The following COG4 variants were observed in gnomAD, a reference collection of about 807,000 sequenced individuals.
The protein encoded by COG4 is conserved oligomeric Golgi complex subunit 4.
A neutral mutation model predicts 95.1 loss-of-function variants in COG4; 65 were observed. That is an observed-to-expected ratio of 0.68 (90% CI 0.56 to 0.84). The LOEUF is 0.84. COG4 is among the 40% of genes least tolerant of loss of function. The pLI, the probability that COG4 is intolerant of heterozygous loss-of-function variation, is 0.00. For synonymous variants in COG4, 421 were observed against 374.8 expected, an observed-to-expected ratio of 1.12 and a Z score of -1.42; for missense variants, 1,045 against 989.1, an observed-to-expected ratio of 1.06 and a Z score of -0.76.
At chr16:70,516,177 A>G (rs2049818898) in intron 3 of COG4, 8 of 382,284 alleles carry the variant, frequency 2.1e-5, no homozygotes, top group South Asian at 1.6e-4. Flanking sequence ...CTTGGCCACT[A>G]CTTTTAATTG....
In COG4 at chr16:70,517,623, TAC is replaced by T. The variant is rs1311924956; in HGVS notation, c.369+1_369+2del. On this transcript the variant is annotated splice_donor_variant, in intron 3 of 18. Coordinates refer to ENST00000323786, the MANE Select transcript of COG4 (RefSeq NM_015386.3). LOFTEE classifies it high-confidence loss of function. ...AAAAAAAAAAAAAAGCTTGATGTAT[TAC>T]CTTGGCCAGGTCAAGCTGACGAACT... The T allele has an allele frequency of 7.1e-7, 1 of 1,415,882 alleles. No homozygotes were observed. Among genetic ancestry groups the T allele is most frequent in the Admixed American group, 1.7e-5 (1 of 59,302 alleles). 87.7% of individuals were successfully genotyped at this position (1,415,882 alleles called of 1,614,324 possible).
At chr16:70,517,807 C>A in intron 2 of COG4, 67 bp from the exon 3 acceptor site, 1 of 951,602 alleles carries the variant, frequency 1.1e-6, no homozygotes, top group Non-Finnish European at 1.7e-6. Flanking sequence ...CTTTTTTTTG[C>A]ATATGGACAC....
intron 8 of COG4, among the ~76,000 whole-genome samples, chr16:70,501,976 T>C (rs1348174917): frequency 1.3e-5 from 2 of 152,036 alleles, no homozygotes; most frequent in African/African-American, 2.4e-5. Context: ...CTGGCCTCTT[T>C]TGTGGTTTGA....
chr16:70,517,905 A>G (rs185984557), intron 2 of COG4, among the ~76,000 whole-genome samples, 165 bp from the exon 3 acceptor site: 34 of 152,138 alleles, frequency 2.2e-4, no homozygotes, highest in Admixed American at 7.2e-4. Context: ...TTTGACTGTA[A>G]ACTCAGACCT....
chr16:70,511,042 G>A (rs1229949358), intron 5 of COG4, among the ~76,000 whole-genome samples: 1 of 152,184 alleles, frequency 6.6e-6, no homozygotes. Flanking sequence ...TGGGATTACA[G>A]GCGTGAGTCA....
intron 1 of COG4, among the ~76,000 whole-genome samples, chr16:70,520,299 CGGGTGTGGTGGCGGGCGCCTGT>C (rs2049908102): frequency 6.9e-6 from 1 of 144,094 alleles, no homozygotes; most frequent in Non-Finnish European, 1.5e-5. Flanking sequence ...AAAAATTAGC[CGGGTGTGGTGGCGGGCGCCTGT>C]AGCCCAAGCT....
intron 12 of COG4, among the ~76,000 whole-genome samples, chr16:70,495,852 AGAGC>A (rs751396650): frequency 2.6e-5 from 4 of 152,256 alleles, no homozygotes; most frequent in Non-Finnish European, 5.9e-5. Context: ...ATGTACTAGC[AGAGC>A]AGTGATGGCA....
Position 70,509,270 on chromosome 16 carries a change from C to T in COG4, c.963G>A (p.Val321=). ...QVECDRQVEK[V]VDKFIKQRDY... ...CCCTTTGCTTGATGAACTTGTCTAC[C>T]ACCTTCTCCACCTGTCTGTCACATT... The change falls in exon 7 of 19, where the codon GTG becomes GTA. Residue 321 remains valine, a synonymous_variant. Transcript: ENST00000323786. 1 of 1,614,146 alleles carries T rather than the reference C, an allele frequency of 6.2e-7. No homozygotes were observed. The highest frequency in any genetic ancestry group is 8.5e-7 in the Non-Finnish European group (1 of 1,180,044).
chr16:70,481,859 G>GAT lies in COG4; in HGVS notation c.2010_2011insAT (p.Leu671IlefsTer10), dbSNP rs2049002597. On this transcript the variant is annotated frameshift_variant, in exon 17 of 19. Transcript: ENST00000323786. LOFTEE classifies it high-confidence loss of function. ...AGGCTGTCGTAGATGACCGGGGACA[G>GAT]GCTGGCCTGCACACAGAGGGTTGAC... The GAT allele has an allele frequency of 6.2e-7, 1 of 1,613,346 alleles. No individual in the cohort carries two copies. The highest frequency in any genetic ancestry group is 8.5e-7 in the Non-Finnish European group (1 of 1,179,788).
chr16:70,514,565 C>G (rs2049783999), intron 3 of COG4, 56 bp from the exon 4 acceptor site: 1 of 1,508,610 alleles, frequency 6.6e-7, no homozygotes, highest in East Asian at 2.3e-5. Flanking sequence ...AAACACCCCT[C>G]AAGAAGGTAG....
chr16:70,504,182 G>A (rs2049510945), intron 8 of COG4, among the ~76,000 whole-genome samples: 1 of 152,088 alleles, frequency 6.6e-6, no homozygotes, highest in Non-Finnish European at 1.5e-5. Context: ...TCTACTGAGG[G>A]CGATTTTATT....
chr16:70,495,577 G>C lies in COG4; in HGVS notation c.1647+689C>G, dbSNP rs145516202. The stretch of plus-strand genomic sequence containing the variant: ...TGCGGCCAATGTGGGGGATGGAGCA[G>C]AATGGACCTCGGACTGTGCTACTCC... On this transcript the variant is annotated intron_variant, in intron 12 of 18. Transcript: ENST00000323786. 7.9e-5 allele frequency among the ~76,000 whole-genome samples: 12 copies of C among 152,246 alleles called. No individual in the cohort carries two copies. The East Asian group carries it at 2.1e-3, about 27-fold the overall frequency.
chr16:70,494,818 G>C (rs549754293), intron 12 of COG4, among the ~76,000 whole-genome samples: 1 of 152,300 alleles, frequency 6.6e-6, no homozygotes, highest in South Asian at 2.1e-4. Flanking sequence ...TTTTGGCAAA[G>C]TTCTCCAAAG....
At chr16:70,482,420 C>T in intron 15 of COG4, 1 of 617,656 alleles carries the variant, frequency 1.6e-6, no homozygotes, top group Admixed American at 2.7e-5. Context: ...CTTCTTGGAT[C>T]TCTTGTTCTA....
rs768988506 is a variant in COG4, at chr16:70,497,294, G to A, written c.1408C>T (p.Leu470=). 1 of 1,614,054 alleles carries A rather than the reference G, an allele frequency of 6.2e-7. No homozygotes were observed. Among genetic ancestry groups the A allele is most frequent in the East Asian group, 2.2e-5 (1 of 44,898 alleles). ...AGACAGTCAATGCTGGAGCTGGACA[G>A]AGCCCGCCCAATGCACTTCTTAACA... ...YIVKKCIGRA[L]SSSSIDCLCA... is the part of the protein sequence containing the mutation. The change falls in exon 11 of 19, where the codon CTG becomes TTG. Residue 470 remains leucine (L), a synonymous_variant. Transcript: ENST00000323786.
intron 2 of COG4, 73 bp from the exon 3 acceptor site, chr16:70,517,813 G>T: frequency 1.1e-6 from 1 of 904,872 alleles, no homozygotes; most frequent in Non-Finnish European, 1.8e-6. Flanking sequence ...TTTGCATATG[G>T]ACACTATGTC....
intron 12 of COG4, among the ~76,000 whole-genome samples, chr16:70,491,679 C>A (rs1052637612): frequency 6.6e-6 from 1 of 151,476 alleles, no homozygotes; most frequent in Non-Finnish European, 1.5e-5. Context: ...AAAAAATTAG[C>A]CAGGCGTGGT....
At chr16:70,505,592 G>C (rs887592928) in intron 8 of COG4, among the ~76,000 whole-genome samples, 7 of 151,200 alleles carry the variant, frequency 4.6e-5, no homozygotes, top group African/African-American at 7.3e-5. Context: ...ACTTTGGGAG[G>C]CTGAAGGCGG....
At chr16:70,488,714 A>T (rs1296720158) in intron 13 of COG4, among the ~76,000 whole-genome samples, 1 of 151,612 alleles carries the variant, frequency 6.6e-6, no homozygotes, top group African/African-American at 2.4e-5. Context: ...CACCCAGCTA[A>T]TTTTTTTTGT....
Sources: gnomAD v4.1 joint callset for allele counts (sites outside exome capture counted in the v4.1 genomes callset) on GRCh38, gnomAD v4.1.1 for gene constraint, MANE v1.5 for transcripts, NCBI Gene and HGNC (gene_info 2026-07-23, HGNC 2026-07-21) for gene names.